CCSER1: variants seen among roughly 807,000 people sequenced by gnomAD.
CCSER1 encodes serine-rich coiled-coil domain-containing protein 1.
Under a neutral mutation model 82.0 loss-of-function variants are expected in CCSER1, and 41 were observed. That is an observed-to-expected ratio of 0.50 (90% CI 0.39 to 0.65). The LOEUF is 0.65. Among genes scored for constraint, CCSER1 ranks in the 30% least tolerant of loss-of-function variants. The pLI is 0.00. For synonymous variants in CCSER1, 414 were observed against 383.9 expected (o/e 1.08, Z -0.92); for missense variants, 1,119 against 1,064.2 (o/e 1.05, Z -0.72).
chr4:90,671,914 A>G (rs1023248529), intron 6 of CCSER1, among the ~76,000 whole-genome samples: 1 of 152,026 alleles, frequency 6.6e-6, no homozygotes, highest in Non-Finnish European at 1.5e-5. Context: ...CATCTCCATC[A>G]GAGAGTCTTA....
At chr4:90,887,161 GA>G (rs1434163578) in intron 8 of CCSER1, among the ~76,000 whole-genome samples, 1 of 152,090 alleles carries the variant, frequency 6.6e-6, no homozygotes, top group Non-Finnish European at 1.5e-5. Flanking sequence ...ATCTTAGGTA[GA>G]ATTAAGATTT....
intron 9 of CCSER1, among the ~76,000 whole-genome samples, chr4:91,068,494 G>T (rs1221321187): frequency 2.6e-5 from 4 of 152,150 alleles, no homozygotes; most frequent in Admixed American, 2.0e-4. Flanking sequence ...AAGATTTCCA[G>T]CAGTGGATTT....
intron 10 of CCSER1, among the ~76,000 whole-genome samples, chr4:91,412,265 G>A (rs761767936): frequency 3.3e-4 from 50 of 151,934 alleles, no homozygotes; most frequent in Admixed American, 7.9e-4. Flanking sequence ...AGGAATCAGG[G>A]AAGAGTCACA....
At chr4:90,609,843 C>T (rs74835867) in intron 5 of CCSER1, among the ~76,000 whole-genome samples, 1 of 152,300 alleles carries the variant, frequency 6.6e-6, no homozygotes, top group East Asian at 1.9e-4. Flanking sequence ...CCTTAAAATA[C>T]TGAACTCATG....
chr4:90,808,697 T>C (rs1186232400), intron 7 of CCSER1, among the ~76,000 whole-genome samples: 1 of 152,108 alleles, frequency 6.6e-6, no homozygotes, highest in Non-Finnish European at 1.5e-5. Context: ...AGATGTCACT[T>C]TATCCAGAAT....
chr4:91,569,262 TG>T (rs891910223), intron 10 of CCSER1, among the ~76,000 whole-genome samples: 59 of 152,242 alleles, frequency 3.9e-4, no homozygotes, highest in East Asian at 1.6e-3. Flanking sequence ...TCTGAAAGTG[TG>T]GGTTCCTCTC....
At chr4:90,566,757 C>T (rs1471870314) in intron 5 of CCSER1, among the ~76,000 whole-genome samples, 2 of 151,966 alleles carry the variant, frequency 1.3e-5, no homozygotes, top group African/African-American at 2.4e-5. Context: ...CGCCCGCCAC[C>T]ACGCCCAGCT....
intron 10 of CCSER1, among the ~76,000 whole-genome samples, chr4:91,480,270 G>C: frequency 6.6e-6 from 1 of 152,158 alleles, no homozygotes; most frequent in Non-Finnish European, 1.5e-5. Context: ...TAATGGGATG[G>C]CTGGGTCAAA....
At chr4:90,761,822 A>T (rs1390236044) in intron 7 of CCSER1, among the ~76,000 whole-genome samples, 2 of 152,102 alleles carry the variant, frequency 1.3e-5, no homozygotes, top group African/African-American at 4.8e-5. Context: ...CAGATTTGAG[A>T]TGAAGTGAAT....
intron 10 of CCSER1, among the ~76,000 whole-genome samples, chr4:91,098,115 T>C (rs1724690641): frequency 1.3e-5 from 2 of 152,246 alleles, no homozygotes; most frequent in Admixed American, 1.3e-4. Flanking sequence ...TCATTAATCA[T>C]TGAAAATAAT....
chr4:90,857,980 G>A (rs543305931), intron 8 of CCSER1, among the ~76,000 whole-genome samples: 2 of 152,062 alleles, frequency 1.3e-5, no homozygotes, highest in East Asian at 1.9e-4. Flanking sequence ...CTACATATAT[G>A]TATCTTATAA....
At chr4:90,781,378 C>T in intron 7 of CCSER1, 3 of 985,436 alleles carry the variant, frequency 3.0e-6, no homozygotes, top group Non-Finnish European at 3.6e-6. Flanking sequence ...ATCCTGGTTA[C>T]TGGGGCTTTG....
chr4:90,973,565 T>G (rs1241466095), intron 9 of CCSER1, among the ~76,000 whole-genome samples: 1 of 151,710 alleles, frequency 6.6e-6, no homozygotes, highest in Non-Finnish European at 1.5e-5. Flanking sequence ...TTGGTGGGAA[T>G]GTAAGTTGTT....
chr4:90,200,075 C>A lies in CCSER1; in HGVS notation c.-42+72244C>A, dbSNP rs866712330. 1.7e-4 allele frequency among the ~76,000 whole-genome samples: 26 copies of A among 151,610 alleles called. No homozygotes were observed. In the Middle Eastern group the frequency reaches 0.01, roughly 60 times the overall value. ...GCGTGCACGCAGACACACACACACA[C>A]ACACACACACACACACACTTTTTTT... is the stretch of plus-strand genomic sequence containing the variant. On this transcript the variant is annotated intron_variant, in intron 1 of 10. Coordinates refer to ENST00000509176, the MANE Select transcript of CCSER1 (RefSeq NM_001145065.2).
At chr4:90,844,680 A>C (rs1762982680) in intron 8 of CCSER1, among the ~76,000 whole-genome samples, 1 of 152,024 alleles carries the variant, frequency 6.6e-6, no homozygotes, top group African/African-American at 2.4e-5. Context: ...CATTCCTATT[A>C]TCCTGCTTTT....
intron 3 of CCSER1, among the ~76,000 whole-genome samples, chr4:90,391,610 G>A (rs186769077): frequency 1.3e-3 from 198 of 148,910 alleles, no homozygotes; most frequent in African/African-American, 4.3e-3. Context: ...GAGTGAGATC[G>A]TATGTCATTG....
intron 5 of CCSER1, among the ~76,000 whole-genome samples, chr4:90,508,704 G>C (rs1771058091): frequency 6.6e-6 from 1 of 152,046 alleles, no homozygotes; most frequent in South Asian, 2.1e-4. Context: ...AGTATCAGAT[G>C]TAATGGAGAC....
At chr4:90,905,428 G>A (rs151210135) in intron 8 of CCSER1, among the ~76,000 whole-genome samples, 11 of 151,168 alleles carry the variant, frequency 7.3e-5, no homozygotes, top group African/African-American at 1.5e-4. Flanking sequence ...CCTCCCCCAC[G>A]CCTCTTGAAC....
At chr4:91,259,516 C>T (rs149861711) in intron 10 of CCSER1, among the ~76,000 whole-genome samples, 2,590 of 152,032 alleles carry the variant, frequency 0.017, 72 homozygotes, top group African/African-American at 0.057. Context: ...TAGATATACA[C>T]GTGCCATGGT....
Sources: gnomAD v4.1 joint callset for allele counts (sites outside exome capture counted in the v4.1 genomes callset) on GRCh38, gnomAD v4.1.1 for gene constraint, MANE v1.5 for transcripts, NCBI Gene and HGNC (gene_info 2026-07-23, HGNC 2026-07-21) for gene names.